The following DIPK1A variants were observed in gnomAD, a reference collection of about 807,000 sequenced individuals.
DIPK1A encodes family with sequence similarity 69 member A.
DIPK1A carries 27 observed loss-of-function variants against 40.8 expected under a neutral mutation model. The ratio of observed to expected loss-of-function variants is 0.66; its 90% confidence interval spans 0.49 to 0.91. The LOEUF is 0.91. DIPK1A is among the 40% of genes least tolerant of loss of function. DIPK1A has a pLI of 0.00. For missense variants in DIPK1A, 412 were observed against 505.7 expected, an observed-to-expected ratio of 0.81 and a Z score of 1.78; for synonymous variants, 166 against 171.3, an observed-to-expected ratio of 0.97 and a Z score of 0.24.
Position 92,924,429 on chromosome 1 carries a change from G to A in DIPK1A, c.54+36947C>T, listed in dbSNP as rs925330352. ...TAGCACCCAATTCTGTCGCTGTTCA[G>A]GGCGCCACTATATAACCCGCACGGA... is the stretch of plus-strand genomic sequence containing the variant. On this transcript the variant is annotated intron_variant, in intron 1 of 4. Coordinates refer to ENST00000370310, the MANE Select transcript of DIPK1A (RefSeq NM_001006605.5). Among the ~76,000 whole-genome samples the A allele has an allele frequency of 3.9e-5, 6 of 152,032 alleles. No homozygotes were observed. The South Asian group carries it at 1.2e-3, about 32-fold the overall frequency.
At chr1:92,886,150 C>G (rs1648588607) in intron 1 of DIPK1A, among the ~76,000 whole-genome samples, 1 of 151,938 alleles carries the variant, frequency 6.6e-6, no homozygotes, top group South Asian at 2.1e-4. Context: ...CTGGATAACA[C>G]AGTGAGACCC....
At chr1:92,918,451 G>A (rs1444679709) in intron 1 of DIPK1A, among the ~76,000 whole-genome samples, 1 of 152,150 alleles carries the variant, frequency 6.6e-6, no homozygotes, top group East Asian at 1.9e-4. Flanking sequence ...GCCTGGCCAG[G>A]AGCCATTTCT....
At chr1:92,857,294 G>A (rs1688017112) in intron 2 of DIPK1A, among the ~76,000 whole-genome samples, 2 of 151,596 alleles carry the variant, frequency 1.3e-5, no homozygotes, top group African/African-American at 2.4e-5. Context: ...TTAAGAAGGT[G>A]GTAGCTACAC....
At chr1:92,912,003 C>CAAAAAAAA (rs5776162) in intron 1 of DIPK1A, among the ~76,000 whole-genome samples, 2 of 43,686 alleles carry the variant, frequency 4.6e-5, no homozygotes, top group African/African-American at 1.1e-4. Context: ...GACTCCATCT[C>CAAAAAAAA]AAAAAAAAAA....
chr1:92,893,319 CA>C (rs1244994553), intron 1 of DIPK1A, among the ~76,000 whole-genome samples: 1 of 151,746 alleles, frequency 6.6e-6, no homozygotes, highest in African/African-American at 2.4e-5. Context: ...AGAAACTCTA[CA>C]AGCCAGAAGA....
chr1:92,850,831 AT>A lies in DIPK1A; in HGVS notation c.297+16del. On this transcript the variant is annotated intron_variant, in intron 3 of 4. Coordinates refer to ENST00000370310, the MANE Select transcript of DIPK1A (RefSeq NM_001006605.5). ...AGTACACTATAATTCTGGAATGTTT[AT>A]TCATAATGGCCATACCTGATTGTTG... 7.0e-7 allele frequency: 1 copy of A among 1,430,344 alleles called. No homozygotes were observed. The highest frequency in any genetic ancestry group is 1.3e-5 in the South Asian group (1 of 78,174). 88.6% of individuals were successfully genotyped at this position (1,430,344 alleles called of 1,614,324 possible). A position where few individuals can be genotyped will look rare whatever the true frequency, so the allele number is the denominator to read the frequency against.
chr1:92,944,849 G>T (rs1485509119), intron 1 of DIPK1A, among the ~76,000 whole-genome samples: 1 of 152,068 alleles, frequency 6.6e-6, no homozygotes, highest in East Asian at 1.9e-4. Flanking sequence ...AACCCCACAG[G>T]CTGGCTGAAA....
chr1:92,912,722 A>C (rs765786605), intron 1 of DIPK1A, among the ~76,000 whole-genome samples: 3 of 152,172 alleles, frequency 2.0e-5, no homozygotes, highest in Non-Finnish European at 4.4e-5. Flanking sequence ...CAGATTTAAT[A>C]ATCTAAAATA....
chr1:92,924,713 G>A (rs1048716850), intron 1 of DIPK1A, among the ~76,000 whole-genome samples: 1 of 152,172 alleles, frequency 6.6e-6, no homozygotes, highest in Non-Finnish European at 1.5e-5. Context: ...AGATAACGTC[G>A]GTGTCAGGGA....
At chr1:92,896,846 A>G (rs1477876927) in intron 1 of DIPK1A, among the ~76,000 whole-genome samples, 1 of 151,240 alleles carries the variant, frequency 6.6e-6, no homozygotes, top group Non-Finnish European at 1.5e-5. Flanking sequence ...TGGGTGAAGG[A>G]TATGAACAGA....
At chr1:92,838,732 G>C (rs1261039603), downstream of DIPK1A, among the ~76,000 whole-genome samples, 1 of 152,164 alleles carries the variant, frequency 6.6e-6, no homozygotes, top group African/African-American at 2.4e-5. Flanking sequence ...GAAGGAACTG[G>C]GTTGCTTAGA....
chr1:92,866,365 G>T (rs1012889416), intron 2 of DIPK1A, among the ~76,000 whole-genome samples: 3 of 152,224 alleles, frequency 2.0e-5, no homozygotes, highest in African/African-American at 4.8e-5. Context: ...GCCTCTCAAA[G>T]TGCTGGGATT....
At chr1:92,892,496 C>T (rs1042406289) in intron 1 of DIPK1A, among the ~76,000 whole-genome samples, 26 of 152,034 alleles carry the variant, frequency 1.7e-4, no homozygotes, top group Non-Finnish European at 2.6e-4. Flanking sequence ...CAAAAACCCA[C>T]CTGTACGTCA....
chr1:92,912,007 A>C (rs1649849777), intron 1 of DIPK1A, among the ~76,000 whole-genome samples: 1 of 147,586 alleles, frequency 6.8e-6, no homozygotes, highest in African/African-American at 2.5e-5. Context: ...CCATCTCAAA[A>C]AAAAAAAAAA....
intron 1 of DIPK1A, among the ~76,000 whole-genome samples, chr1:92,891,847 A>T (rs1350179239): frequency 6.6e-6 from 1 of 152,218 alleles, no homozygotes; most frequent in Non-Finnish European, 1.5e-5. Context: ...CAAACAGCAC[A>T]CCAGGAGATT....
At chr1:92,846,501 T>C (rs1687606254) in intron 4 of DIPK1A, 1 of 332,030 alleles carries the variant, frequency 3.0e-6, no homozygotes, top group Non-Finnish European at 6.2e-6. Flanking sequence ...TTTCACCTTT[T>C]TTGAATTAAT....
At chr1:92,908,403 G>A (rs1259506017) in intron 1 of DIPK1A, among the ~76,000 whole-genome samples, 1 of 152,170 alleles carries the variant, frequency 6.6e-6, no homozygotes, top group African/African-American at 2.4e-5. Context: ...AGAAGAAAAC[G>A]AGAATGTTGT....
intron 1 of DIPK1A, among the ~76,000 whole-genome samples, chr1:92,953,222 C>A (rs375255977): frequency 1.3e-5 from 2 of 148,238 alleles, no homozygotes; most frequent in East Asian, 4.0e-4. Context: ...AGCTCACGCC[C>A]GTGAGAATGG....
intron 3 of DIPK1A, among the ~76,000 whole-genome samples, chr1:92,848,603 C>A (rs571776471): frequency 1.4e-4 from 21 of 152,320 alleles, no homozygotes; most frequent in Non-Finnish European, 2.8e-4. Context: ...CCTCTTCCAC[C>A]CCCAGGTCAC....
Sources: gnomAD v4.1 joint callset for allele counts (sites outside exome capture counted in the v4.1 genomes callset) on GRCh38, gnomAD v4.1.1 for gene constraint, MANE v1.5 for transcripts, NCBI Gene and HGNC (gene_info 2026-07-23, HGNC 2026-07-21) for gene names.